The following MFAP4 variants were observed in gnomAD, a reference collection of about 807,000 sequenced individuals.
MFAP4 encodes microfibril-associated glycoprotein 4.
A neutral mutation model predicts 32.4 loss-of-function variants in MFAP4; 20 were observed. The ratio of observed to expected loss-of-function variants is 0.62; its 90% CI spans 0.43 to 0.90. The LOEUF is 0.90. Ranked by LOEUF, MFAP4 falls within the 40% of genes least tolerant of loss-of-function variation. The pLI is 0.00. For missense variants in MFAP4, 267 were observed against 329.5 expected (o/e 0.81, Z 1.47); for synonymous variants, 146 against 137.4 (o/e 1.06, Z -0.44).
intron 5 of MFAP4, 80 bp downstream of exon 5, chr17:19,385,019 G>T (rs1912973046): frequency 6.7e-7 from 1 of 1,494,880 alleles, no homozygotes; most frequent in African/African-American, 1.4e-5. Flanking sequence ...GGGCCTGAAG[G>T]AGGTTGGGGC....
At chr17:19,386,147 C>G (rs1200959159) in intron 3 of MFAP4, among the ~76,000 whole-genome samples, 163 bp downstream of exon 3, 1 of 152,218 alleles carries the variant, frequency 6.6e-6, no homozygotes, top group East Asian at 1.9e-4. Context: ...ACACCTACCT[C>G]AGGCACTTAG....
chr17:19,384,243 C>T lies in MFAP4; in HGVS notation c.*219G>A. On this transcript the variant is annotated 3_prime_UTR_variant, in exon 6 of 6. Transcript: ENST00000299610. ...CTCTCGGAAGAGGCCTGGGGAACTGCTGGCAGTGTAACTTCAGGTGTAGGG... is the reference window on the plus strand; with the variant it reads ...CTCTCGGAAGAGGCCTGGGGAACTGTTGGCAGTGTAACTTCAGGTGTAGGG... 1.7e-6 allele frequency: 1 copy of T among 574,466 alleles called. No individual in the cohort carries two copies. Among genetic ancestry groups the T allele is most frequent in the Non-Finnish European group, 3.1e-6 (1 of 324,604 alleles). The allele number at this position is 574,466 out of a possible 1,614,324, so 35.6% of individuals were successfully genotyped here. A position where few individuals can be genotyped will look rare whatever the true frequency, so the allele number is the denominator to read the frequency against.
At chr17:19,386,613 T>G in intron 2 of MFAP4, 147 bp downstream of exon 2, 1 of 1,233,430 alleles carries the variant, frequency 8.1e-7, no homozygotes, top group Non-Finnish European at 1.2e-6. Flanking sequence ...TGAGCAATGC[T>G]TATGTCATCC....
At chr17:19,386,728 C>T (rs1406466250) in intron 2 of MFAP4, 32 bp downstream of exon 2, 6 of 1,554,106 alleles carry the variant, frequency 3.9e-6, no homozygotes, top group African/African-American at 2.7e-5. Flanking sequence ...ACCTGTGGGC[C>T]AGGCCGCGTC....
At chr17:19,386,545 G>T in intron 2 of MFAP4, 81 bp from the exon 3 acceptor site, 1 of 1,498,968 alleles carries the variant, frequency 6.7e-7, no homozygotes. Context: ...GTTTGCCTCA[G>T]TCCCTGGGGC....
intron 3 of MFAP4, 133 bp from the exon 4 acceptor site, chr17:19,385,587 GGGT>G: frequency 1.4e-6 from 1 of 730,182 alleles, no homozygotes; most frequent in Non-Finnish European, 2.3e-6. Flanking sequence ...GGGGTGGGGA[GGGT>G]GGTGGGAGTG....
rs1259663150 is a variant in MFAP4 at position 19,384,511 on chromosome 17, C to T, written c.719G>A (p.Gly240Asp). 1 of 1,608,872 alleles carries T rather than the reference C, an allele frequency of 6.2e-7. No homozygotes were observed. Among genetic ancestry groups the T allele is most frequent in the Non-Finnish European group, 8.5e-7 (1 of 1,177,434 alleles). ...ANGINWAQWKGFYYSLKRTEM... is the reference protein window; with the variant it reads ...ANGINWAQWKDFYYSLKRTEM... ...AGTGCGTTTGAGGGAGTAGTAGAAG[C>T]CCTTCCACTGGGCCCAGTTGATGCC... Residue 240 changes from glycine (G) to aspartate (D), a missense_variant, in exon 6 of 6, where the codon GGC becomes GAC. Transcript: ENST00000299610.
At chr17:19,384,827 G>T in intron 5 of MFAP4, 118 bp from the exon 6 acceptor site, 1 of 1,395,448 alleles carries the variant, frequency 7.2e-7, no homozygotes, top group Non-Finnish European at 9.9e-7. Flanking sequence ...GCGGGATGGG[G>T]GCACCCTCCC....
At position 19,386,795 on chromosome 17, in the gene MFAP4, G is replaced by T; in HGVS notation, c.50C>A (p.Pro17Gln). 1 of 1,577,612 alleles carries T rather than the reference G, an allele frequency of 6.3e-7. No individual in the cohort carries two copies. Among genetic ancestry groups the T allele is most frequent in the Non-Finnish European group, 8.6e-7 (1 of 1,161,630 alleles). ...GATCCCGGAGACCTGGGGGGCACAC[G>T]GGGGCGTGGAGAGAAGCAGCAGCAG... is the stretch of plus-strand genomic sequence containing the variant. ...LPLLLLLSTP[P>Q]CAPQVSGIRG... Residue 17 changes from proline (P) to glutamine (Q), a missense_variant, in exon 2 of 6, where the codon CCG becomes CAG. Transcript: ENST00000299610.
intron 3 of MFAP4, 85 bp downstream of exon 3, chr17:19,386,225 A>C (rs1913026333): frequency 7.9e-7 from 1 of 1,264,192 alleles, no homozygotes; most frequent in Non-Finnish European, 1.1e-6. Context: ...AAAGATGAAG[A>C]AACTGAGGTT....
At chr17:19,384,818 C>T (rs923846143) in intron 5 of MFAP4, 109 bp from the exon 6 acceptor site, 14 of 1,469,726 alleles carry the variant, frequency 9.5e-6, no homozygotes, top group South Asian at 3.7e-5. Context: ...GGCAGCCTGG[C>T]GGGATGGGGG....
chr17:19,385,740 A>G (rs1913009591), intron 3 of MFAP4, among the ~76,000 whole-genome samples: 1 of 152,254 alleles, frequency 6.6e-6, no homozygotes, highest in Non-Finnish European at 1.5e-5. Flanking sequence ...TCGAGTGCCT[A>G]GCTGTGGGAT....
At chr17:19,387,052 G>C (rs770448122) in intron 1 of MFAP4, 98 bp downstream of exon 1, 3 of 1,560,198 alleles carry the variant, frequency 1.9e-6, no homozygotes, top group Non-Finnish European at 1.7e-6. Flanking sequence ...AGTTTCAAGA[G>C]AACTCCTTGT....
chr17:19,385,562 T>C lies in MFAP4; in HGVS notation c.241-108A>G, dbSNP rs553731251. The C allele has an allele frequency of 4.5e-6, 3 of 671,620 alleles. No individual in the cohort carries two copies. The Admixed American group carries it at 6.5e-5, about 15-fold the overall frequency. 41.6% of individuals were successfully genotyped at this position (671,620 alleles called of 1,614,324 possible). On this transcript the variant is annotated intron_variant, in intron 3 of 5. Coordinates refer to ENST00000299610, the MANE Select transcript of MFAP4 (RefSeq NM_002404.3). ...CCCTGTGATGCTGTGGCCAGTTTGT[T>C]AAAGGACTGGGTTGGGGGTGGGGAG...
chr17:19,386,289 C>G, intron 3 of MFAP4, 21 bp downstream of exon 3: 1 of 1,564,816 alleles, frequency 6.4e-7, no homozygotes, highest in Non-Finnish European at 8.7e-7. Flanking sequence ...GCTCTGGCCT[C>G]TGTTCCCTCC....
rs375805305 is a variant in MFAP4, at chr17:19,386,835, G to A, written c.10C>T (p.Leu4Phe). The A allele has an allele frequency of 8.8e-5, 137 of 1,560,490 alleles. No individual in the cohort carries two copies. The highest frequency in any genetic ancestry group is 2.7e-4 in the Admixed American group (14 of 51,816). Residue 4 changes from leucine (L) to phenylalanine (F), a missense_variant, in exon 2 of 6, where the codon CTC becomes TTC. Physicochemically the swap from Leu to Phe is conservative, Grantham distance 22. Coordinates refer to ENST00000299610, the MANE Select transcript of MFAP4 (RefSeq NM_002404.3). ...AGCAGCAGCAGCGGCAGGGCCAGGA[G>A]TGCCTGGCGATGGGCAGACAGGGTC... is the stretch of plus-strand genomic sequence containing the variant. MKA[L>F]LALPLLLLLS...
chr17:19,384,255 C>A lies in MFAP4; in HGVS notation c.*207G>T. On this transcript the variant is annotated 3_prime_UTR_variant, in exon 6 of 6. Coordinates refer to ENST00000299610, the MANE Select transcript of MFAP4 (RefSeq NM_002404.3). ...GCCTGGGGAACTGCTGGCAGTGTAA[C>A]TTCAGGTGTAGGGGAGCCGGGTCTG... is the stretch of plus-strand genomic sequence containing the variant. The A allele has an allele frequency of 1.7e-6, 1 of 599,228 alleles. No homozygotes were observed. Among genetic ancestry groups the A allele is most frequent in the East Asian group, 2.9e-5 (1 of 34,124 alleles). The allele number at this position is 599,228 out of a possible 1,614,324, so 37.1% of individuals were successfully genotyped here.
chr17:19,386,208 C>T, intron 3 of MFAP4, 102 bp downstream of exon 3: 1 of 1,100,244 alleles, frequency 9.1e-7, no homozygotes, highest in Non-Finnish European at 1.3e-6. Flanking sequence ...ATCATTATCC[C>T]CATTTTAAAG....
Position 19,386,438 on chromosome 17 carries a change from G to T in MFAP4, c.112C>A (p.Pro38Thr), listed in dbSNP as rs760135219. ...DALERFCLQQ[P>T]LDCDDIYAQG... is the part of the protein sequence containing the mutation. ...GCATAGATGTCGTCACAGTCCAGGGGTTGCTGAAGGCAAAACCTCTCCAGA... is the reference window on the plus strand; with the variant it reads ...GCATAGATGTCGTCACAGTCCAGGGTTTGCTGAAGGCAAAACCTCTCCAGA... Residue 38 changes from proline to threonine, a missense_variant, in exon 3 of 6, where the codon CCC becomes ACC. Coordinates refer to ENST00000299610, the MANE Select transcript of MFAP4 (RefSeq NM_002404.3). 6 of 1,613,604 alleles carry T rather than the reference G, an allele frequency of 3.7e-6. No individual in the cohort carries two copies. Among genetic ancestry groups the T allele is most frequent in the Non-Finnish European group, 5.1e-6 (6 of 1,179,862 alleles).
Sources: gnomAD v4.1 joint callset for allele counts (sites outside exome capture counted in the v4.1 genomes callset) on GRCh38, gnomAD v4.1.1 for gene constraint, MANE v1.5 for transcripts, NCBI Gene and HGNC (gene_info 2026-07-23, HGNC 2026-07-21) for gene names.